ZNF407: variants seen among roughly 807,000 people sequenced by gnomAD.
ZNF407 encodes zinc finger protein 407.
In ZNF407, 17 loss-of-function variants were observed where a neutral mutation model predicts 131.2. That is an observed-to-expected ratio of 0.13 (90% CI 0.09 to 0.19). The LOEUF (loss-of-function observed/expected upper bound fraction) is 0.19. Ranked by LOEUF, ZNF407 falls within the 10% of genes least tolerant of loss-of-function variation. ZNF407 has a pLI of 1.00. For missense variants in ZNF407, 2,681 were observed against 2,830.6 expected, an observed-to-expected ratio of 0.95 and a Z score of 1.20; for synonymous variants, 1,156 against 1,062.0, an observed-to-expected ratio of 1.09 and a Z score of -1.72.
intron 4 of ZNF407, among the ~76,000 whole-genome samples, chr18:74,792,186 A>G (rs984431280): frequency 1.6e-4 from 25 of 152,132 alleles, no homozygotes; most frequent in African/African-American, 6.0e-4. Context: ...TAAAGATACT[A>G]ATTTTTTAAA....
At chr18:74,708,118 AAAC>A (rs1020891951) in intron 3 of ZNF407, among the ~76,000 whole-genome samples, 2 of 152,228 alleles carry the variant, frequency 1.3e-5, no homozygotes, top group African/African-American at 4.8e-5. Context: ...TAAATAAAAG[AAAC>A]AACAAATAAA....
chr18:74,677,546 A>G (rs946300910), intron 3 of ZNF407, among the ~76,000 whole-genome samples: 1 of 151,520 alleles, frequency 6.6e-6, no homozygotes, highest in African/African-American at 2.4e-5. Context: ...TTTTCCCCTC[A>G]ACTTCCTTTT....
At chr18:74,918,550 G>A (rs1255785192) in intron 7 of ZNF407, among the ~76,000 whole-genome samples, 2 of 152,032 alleles carry the variant, frequency 1.3e-5, no homozygotes, top group African/African-American at 4.8e-5. Context: ...TTGACAATTC[G>A]GTAGTGACTC....
intron 4 of ZNF407, among the ~76,000 whole-genome samples, chr18:74,795,919 T>A (rs1158217374): frequency 6.6e-6 from 1 of 152,240 alleles, no homozygotes; most frequent in Non-Finnish European, 1.5e-5. Context: ...CCTCCACATG[T>A]GGCATTTCAT....
chr18:74,747,902 G>A (rs1180891552), intron 3 of ZNF407, among the ~76,000 whole-genome samples: 1 of 151,902 alleles, frequency 6.6e-6, no homozygotes, highest in Non-Finnish European at 1.5e-5. Flanking sequence ...TATGTTTTTG[G>A]GTAGAATTTT....
At chr18:74,685,220 A>T (rs544332554) in intron 3 of ZNF407, among the ~76,000 whole-genome samples, 1 of 152,130 alleles carries the variant, frequency 6.6e-6, no homozygotes, top group Non-Finnish European at 1.5e-5. Context: ...AGGGAATATG[A>T]AGTATAATGC....
Position 74,877,276 on chromosome 18 carries a change from GA to G in ZNF407, c.4961del (p.Lys1654SerfsTer20). ...LNNHMKLHTG[E>X]KPFKCTWPTC... is the part of the protein sequence containing the mutation. ...CAACCACATGAAACTCCACACGGGA[GA>G]AAAGCCGTTTAAATGTACCTGGCCC... On this transcript the variant is annotated frameshift_variant, in exon 5 of 9. Coordinates refer to ENST00000299687, the MANE Select transcript of ZNF407 (RefSeq NM_017757.3). LOFTEE classifies it high-confidence loss of function. 6.2e-7 allele frequency: 1 copy of G among 1,614,026 alleles called. No homozygotes were observed. Among genetic ancestry groups the G allele is most frequent in the Non-Finnish European group, 8.5e-7 (1 of 1,179,886 alleles).
chr18:74,865,327 A>G (rs561105635), intron 4 of ZNF407, among the ~76,000 whole-genome samples: 36 of 152,230 alleles, frequency 2.4e-4, no homozygotes, highest in African/African-American at 8.4e-4. Context: ...TCTTTTTATC[A>G]TAATATCTAA....
At chr18:74,794,142 G>A (rs373274079) in intron 4 of ZNF407, among the ~76,000 whole-genome samples, 3 of 152,262 alleles carry the variant, frequency 2.0e-5, no homozygotes, top group South Asian at 4.1e-4. Context: ...TTTCTCTCCG[G>A]GTGAGAACAG....
At chr18:74,839,844 A>G (rs775444678) in intron 4 of ZNF407, among the ~76,000 whole-genome samples, 13 of 152,216 alleles carry the variant, frequency 8.5e-5, no homozygotes, top group Admixed American at 7.2e-4. Flanking sequence ...AGGGAATGAC[A>G]TCAGTCATAG....
chr18:74,772,231 A>G (rs1264438285), intron 3 of ZNF407, among the ~76,000 whole-genome samples: 1 of 152,202 alleles, frequency 6.6e-6, no homozygotes, highest in African/African-American at 2.4e-5. Flanking sequence ...GCCATTGAGG[A>G]GACATATAAA....
intron 3 of ZNF407, among the ~76,000 whole-genome samples, chr18:74,747,866 A>T (rs1968706998): frequency 6.6e-6 from 1 of 152,172 alleles, no homozygotes; most frequent in Admixed American, 6.6e-5. Flanking sequence ...TAACAAGATA[A>T]ATCACTTCAT....
chr18:74,867,481 A>C (rs1014177992), intron 4 of ZNF407, among the ~76,000 whole-genome samples: 4 of 152,212 alleles, frequency 2.6e-5, no homozygotes, highest in East Asian at 1.9e-4. Flanking sequence ...ACTCGAATAC[A>C]TACCAGGAAT....
chr18:74,861,941 G>A (rs1970943490), intron 4 of ZNF407, among the ~76,000 whole-genome samples: 1 of 152,112 alleles, frequency 6.6e-6, no homozygotes, highest in African/African-American at 2.4e-5. Context: ...GTCACATAGA[G>A]TTACAGATTA....
intron 4 of ZNF407, among the ~76,000 whole-genome samples, chr18:74,855,025 A>T (rs1015507887): frequency 1.3e-5 from 2 of 152,130 alleles, no homozygotes; most frequent in Admixed American, 6.5e-5. Flanking sequence ...ACACACCATT[A>T]TGTGTTCTCT....
At chr18:74,946,214 A>G (rs941402290) in intron 8 of ZNF407, among the ~76,000 whole-genome samples, 4 of 152,208 alleles carry the variant, frequency 2.6e-5, no homozygotes, top group African/African-American at 9.6e-5. Flanking sequence ...TAAACCATTT[A>G]CTCCAATTTA....
At chr18:74,619,489 A>T (rs1031547332) in intron 1 of ZNF407, among the ~76,000 whole-genome samples, 1 of 152,176 alleles carries the variant, frequency 6.6e-6, no homozygotes, top group Admixed American at 6.5e-5. Flanking sequence ...CTTTTGAAAA[A>T]GATGAAAGGA....
intron 4 of ZNF407, among the ~76,000 whole-genome samples, chr18:74,851,823 C>T (rs1293501893): frequency 1.3e-5 from 2 of 152,178 alleles, no homozygotes; most frequent in Non-Finnish European, 2.9e-5. Flanking sequence ...GCAAAGTGCC[C>T]TTAGCATTCA....
chr18:74,919,896 G>A (rs1971823247), intron 7 of ZNF407, among the ~76,000 whole-genome samples: 1 of 152,156 alleles, frequency 6.6e-6, no homozygotes, highest in Non-Finnish European at 1.5e-5. Flanking sequence ...CAGTGGCACC[G>A]TGGCGTGGAA....
Sources: gnomAD v4.1 joint callset for allele counts (sites outside exome capture counted in the v4.1 genomes callset) on GRCh38, gnomAD v4.1.1 for gene constraint, MANE v1.5 for transcripts, NCBI Gene and HGNC (gene_info 2026-07-23, HGNC 2026-07-21) for gene names.